Variants in SLC5A5 observed in about 807,000 individuals in gnomAD.
The protein encoded by SLC5A5 is solute carrier family 5 member 5.
In SLC5A5, 56 loss-of-function variants were observed where a neutral mutation model predicts 68.6. The observed-to-expected ratio is 0.82, with a 90% CI of 0.66 to 1.02. SLC5A5 has a LOEUF of 1.02. Ranked by LOEUF, SLC5A5 falls within the 50% of genes least tolerant of loss-of-function variation. The probability of loss-of-function intolerance (pLI) is 0.00; values close to 1 mark genes in which losing one functional copy is unlikely to be tolerated. For synonymous variants in SLC5A5, 398 were observed against 373.0 expected, an observed-to-expected ratio of 1.07 and a Z score of -0.77; for missense variants, 807 against 859.8, an observed-to-expected ratio of 0.94 and a Z score of 0.77.
chr19:17,883,532 GT>G (rs904233936), intron 10 of SLC5A5, 148 bp from the exon 11 acceptor site: 3 of 732,614 alleles, frequency 4.1e-6, no homozygotes, highest in East Asian at 2.5e-5. Context: ...AGGGGGGGGG[GT>G]CCTCTCCCCT....
intron 7 of SLC5A5, among the ~76,000 whole-genome samples, chr19:17,880,273 G>A (rs75665980): frequency 0.17 from 25,639 of 149,510 alleles, 2,450 homozygotes; most frequent in East Asian, 0.34. Flanking sequence ...GGAGTGCAAC[G>A]GCGCGATCTC....
intron 8 of SLC5A5, among the ~76,000 whole-genome samples, chr19:17,881,510 G>T (rs2094320669): frequency 6.6e-6 from 1 of 152,164 alleles, no homozygotes; most frequent in Admixed American, 6.6e-5. Context: ...CAGGTGATCT[G>T]CATGCTTTGG....
chr19:17,878,344 A>C (rs1016688314), intron 7 of SLC5A5, among the ~76,000 whole-genome samples: 1 of 152,006 alleles, frequency 6.6e-6, no homozygotes, highest in Non-Finnish European at 1.5e-5. Context: ...GTCTCTACTA[A>C]AAATATAAAA....
intron 12 of SLC5A5, 24 bp downstream of exon 12, chr19:17,884,070 G>C: frequency 6.5e-7 from 1 of 1,531,744 alleles, no homozygotes; most frequent in South Asian, 1.2e-5. Flanking sequence ...AGGGTAGGGG[G>C]GTACCCGAGC....
chr19:17,875,825 G>C, intron 4 of SLC5A5, 127 bp from the exon 5 acceptor site: 1 of 801,048 alleles, frequency 1.2e-6, no homozygotes, highest in Non-Finnish European at 2.1e-6. Flanking sequence ...CAGTAAGAAG[G>C]TATTATTATT....
At chr19:17,883,212 GC>G (rs561733531) in intron 10 of SLC5A5, among the ~76,000 whole-genome samples, 9 of 151,664 alleles carry the variant, frequency 5.9e-5, no homozygotes, top group Admixed American at 5.9e-4. Flanking sequence ...ACCCGCCTCA[GC>G]CTTCCAAGTC....
chr19:17,883,789 G>T, intron 11 of SLC5A5, 22 bp downstream of exon 11: 1 of 1,605,210 alleles, frequency 6.2e-7, no homozygotes, highest in Middle Eastern at 1.8e-4. Flanking sequence ...CGGGGCAAGG[G>T]GCGGGGAGGG....
In SLC5A5 at chr19:17,894,810, C is replaced by CCAGA. The variant is rs2030348304; in HGVS notation, c.*934_*937dup. ...GTGTCCCCCCAAAATTTATGTCTACCCAGAACCTCAGAACATGAGCTTACT... is the reference window on the plus strand; with the variant it reads ...GTGTCCCCCCAAAATTTATGTCTACCCAGACAGAACCTCAGAACATGAGCTTACT... On this transcript the variant is annotated 3_prime_UTR_variant, in exon 15 of 15. Transcript: ENST00000222248. The CCAGA allele has an allele frequency of 6.6e-6, 1 of 152,120 alleles. No homozygotes were observed. Among genetic ancestry groups the CCAGA allele is most frequent in the African/African-American group, 2.4e-5 (1 of 41,396 alleles). The allele number at this position is 152,120 out of a possible 1,614,324, so 9.4% of individuals were successfully genotyped here.
At chr19:17,885,032 G>A (rs549463935) in intron 12 of SLC5A5, among the ~76,000 whole-genome samples, 66 of 145,940 alleles carry the variant, frequency 4.5e-4, no homozygotes, top group Non-Finnish European at 1.0e-4. Flanking sequence ...TTTGGAGCAG[G>A]GTCTTGCTCT....
chr19:17,874,725 G>T lies in SLC5A5; in HGVS notation c.537G>T (p.Thr179=). The T allele has an allele frequency of 1.2e-6, 2 of 1,614,080 alleles. No homozygotes were observed. The highest frequency in any genetic ancestry group is 1.7e-6 in the Non-Finnish European group (2 of 1,179,990). Residue 179 remains threonine, a synonymous_variant, in exon 4 of 15, where the codon ACG becomes ACT. Transcript: ENST00000222248. ...LSTGIICTFY[T]AVGGMKAVVW... Reference sequence around the variant, plus strand: ...CCGGAATTATCTGCACCTTCTACACGGCTGTGGTGAGTGGCCCTGGGAACT... The same window carrying T: ...CCGGAATTATCTGCACCTTCTACACTGCTGTGGTGAGTGGCCCTGGGAACT...
At chr19:17,875,560 C>T (rs2094304733) in intron 4 of SLC5A5, among the ~76,000 whole-genome samples, 1 of 150,838 alleles carries the variant, frequency 6.6e-6, no homozygotes. Context: ...GCCAGGGGTT[C>T]GAGACCAGCC....
chr19:17,883,532 G>GA, intron 10 of SLC5A5, 149 bp from the exon 11 acceptor site: 1 of 732,624 alleles, frequency 1.4e-6, no homozygotes. Context: ...AGGGGGGGGG[G>GA]TCCTCTCCCC....
chr19:17,878,136 C>G (rs2094312107), intron 7 of SLC5A5, 43 bp downstream of exon 7: 2 of 1,599,898 alleles, frequency 1.3e-6, no homozygotes, highest in Non-Finnish European at 1.7e-6. Flanking sequence ...CACTCCCTCA[C>G]TAGCTTGGTG....
intron 8 of SLC5A5, among the ~76,000 whole-genome samples, chr19:17,881,506 A>T (rs964778960): frequency 4.6e-5 from 7 of 152,130 alleles, no homozygotes; most frequent in African/African-American, 1.7e-4. Flanking sequence ...ACCTCAGGTG[A>T]TCTGCATGCT....
Position 17,879,904 on chromosome 19 carries a change from AT to A in SLC5A5, c.970-948del, listed in dbSNP as rs59015155. ...CATAGGGAGACCCCATCTTTACACA[AT>A]TTTTTTTTTTTTGAGCCAGAGTCTC... On this transcript the variant is annotated intron_variant, in intron 7 of 14. Coordinates refer to ENST00000222248, the MANE Select transcript of SLC5A5 (RefSeq NM_000453.3). 1.3e-3 allele frequency among the ~76,000 whole-genome samples: 193 copies of A among 146,044 alleles called. 1 individual carries two copies. The highest frequency in any genetic ancestry group is 3.0e-3 in the Admixed American group (43 of 14,572).
chr19:17,874,845 C>A, intron 4 of SLC5A5, 114 bp downstream of exon 4: 3 of 935,712 alleles, frequency 3.2e-6, no homozygotes, highest in Non-Finnish European at 5.2e-6. Flanking sequence ...CAGCTGGGAC[C>A]CAGTGTCCTC....
chr19:17,893,395 G>A (rs890705185), intron 14 of SLC5A5, among the ~76,000 whole-genome samples: 12 of 152,122 alleles, frequency 7.9e-5, no homozygotes, highest in African/African-American at 2.9e-4. Flanking sequence ...GAGCCACCGT[G>A]CCCGGCCAGA....
At position 17,876,069 on chromosome 19, in the gene SLC5A5, A is replaced by C; in HGVS notation, c.661A>C (p.Thr221Pro). 1 of 1,614,198 alleles carries C rather than the reference A, an allele frequency of 6.2e-7. No homozygotes were observed. Among genetic ancestry groups the C allele is most frequent in the Non-Finnish European group, 8.5e-7 (1 of 1,180,040 alleles). ...TGTGGGCGGGCCCCGCCAGGTGCTC[A>C]CGCTGGCCCAGAACCACTCCCGGAT... The part of the protein sequence containing the change: ...MLVGGPRQVL[T>P]LAQNHSRINL... Residue 221 changes from threonine (T) to proline (P), a missense_variant, in exon 5 of 15, where the codon ACG (threonine) becomes CCG (proline). By Grantham distance (38) the Thr-to-Pro change is conservative. Coordinates refer to ENST00000222248, the MANE Select transcript of SLC5A5 (RefSeq NM_000453.3).
rs745693511 is a variant in SLC5A5, at chr19:17,874,726, G to T, written c.538G>T (p.Ala180Ser). ...STGIICTFYT[A>S]VGGMKAVVWT... ...CGGAATTATCTGCACCTTCTACACG[G>T]CTGTGGTGAGTGGCCCTGGGAACTC... Residue 180 changes from alanine (A) to serine (S), a missense_variant, in exon 4 of 15, where the codon GCT becomes TCT. Ala to Ser is a moderately conservative substitution (Grantham distance 99). Coordinates refer to ENST00000222248, the MANE Select transcript of SLC5A5 (RefSeq NM_000453.3). 1.1e-5 allele frequency: 17 copies of T among 1,613,984 alleles called. No homozygotes were observed. Among genetic ancestry groups the T allele is most frequent in the Non-Finnish European group, 1.4e-5 (17 of 1,180,002 alleles).
Sources: gnomAD v4.1 joint callset for allele counts (sites outside exome capture counted in the v4.1 genomes callset) on GRCh38, gnomAD v4.1.1 for gene constraint, MANE v1.5 for transcripts, NCBI Gene and HGNC (gene_info 2026-07-23, HGNC 2026-07-21) for gene names.